The following ARPC3 variants were observed in gnomAD, a reference collection of about 807,000 sequenced individuals.
ARPC3 encodes actin related protein 2/3 complex subunit 3.
A neutral mutation model predicts 27.6 loss-of-function variants in ARPC3; 12 were observed. The ratio of observed to expected loss-of-function variants is 0.43; its 90% CI spans 0.28 to 0.70. The LOEUF (loss-of-function observed/expected upper bound fraction) is 0.70. ARPC3 is among the 30% of genes least tolerant of loss of function. ARPC3 has a pLI of 0.17. For synonymous variants in ARPC3, 53 were observed against 67.2 expected (o/e 0.79, Z 1.03); for missense variants, 153 against 207.7 (o/e 0.74, Z 1.62).
rs12314411 is a variant in ARPC3, at chr12:110,448,231, A to G, written c.6+2024T>C. ...TACCATTACTAGGCAACCTTGTCCA[A>G]ATTAACTTCTCTGAGGCTCCGTTTC... On this transcript the variant is annotated intron_variant, in intron 1 of 6. Transcript: ENST00000228825. Among the ~76,000 whole-genome samples, 1,131 of 152,116 alleles carry G rather than the reference A, an allele frequency of 7.4e-3. 18 individuals are homozygous for G. Among genetic ancestry groups the G allele is most frequent in the African/African-American group, 0.026 (1,090 of 41,500 alleles).
chr12:110,441,273 T>C (rs775564153), intron 2 of ARPC3, among the ~76,000 whole-genome samples: 1 of 151,880 alleles, frequency 6.6e-6, no homozygotes, highest in African/African-American at 2.4e-5. Context: ...GCTGGGATTA[T>C]ACGCATGTAC....
chr12:110,436,907 C>T (rs755113634), intron 4 of ARPC3, 177 bp downstream of exon 4: 1 of 677,494 alleles, frequency 1.5e-6, no homozygotes, highest in Non-Finnish European at 2.6e-6. Context: ...TTGTGTCAGT[C>T]AATTATACTA....
At chr12:110,437,350 G>A (rs1237571216) in intron 3 of ARPC3, 198 bp from the exon 4 acceptor site, 3 of 553,694 alleles carry the variant, frequency 5.4e-6, no homozygotes, top group Admixed American at 3.0e-5. Flanking sequence ...GAAGGCACAA[G>A]CCCCACTCTG....
rs370373093 is a variant in ARPC3 at position 110,450,155 on chromosome 12, C to A, written c.6+100G>T. On this transcript the variant is annotated intron_variant, in intron 1 of 6. Coordinates refer to ENST00000228825, the MANE Select transcript of ARPC3 (RefSeq NM_001278556.2). The stretch of plus-strand genomic sequence containing the variant: ...TCCCTCCTTCTCGGGCCCCAGCTTC[C>A]TCTCTGCCTTCCGCCGCCCGCTTCT... 6.6e-5 allele frequency: 102 copies of A among 1,537,510 alleles called. No individual in the cohort carries two copies. In the African/African-American group the frequency reaches 1.3e-3, roughly 20 times the overall value.
At chr12:110,435,454 C>T (rs988159460) in intron 6 of ARPC3, among the ~76,000 whole-genome samples, 11 of 151,784 alleles carry the variant, frequency 7.2e-5, no homozygotes, top group Non-Finnish European at 1.0e-4. Context: ...CTTAGCCTCC[C>T]CAGTAGCTGG....
At chr12:110,440,707 C>T (rs2062431120) in intron 2 of ARPC3, among the ~76,000 whole-genome samples, 1 of 149,942 alleles carries the variant, frequency 6.7e-6, no homozygotes, top group South Asian at 2.1e-4. Context: ...CCACCACACC[C>T]CGCTAATTTT....
chr12:110,449,540 C>A (rs2062487777), intron 1 of ARPC3, among the ~76,000 whole-genome samples: 1 of 152,014 alleles, frequency 6.6e-6, no homozygotes, highest in Non-Finnish European at 1.5e-5. Context: ...CCAGCCTGGG[C>A]GACAGAACGA....
In ARPC3 at chr12:110,435,113, T is replaced by TGCTGCCCAGGGCTCTGGAGACGGTG; in HGVS notation, c.*17_*41dup. ...AGATTGTGTACATCTTGCTGGAAAA[T>TGCTGCCCAGGGCTCTGGAGACGGTG]GCTGCCCAGGGCTCTGGAGACGGTG... On this transcript the variant is annotated 3_prime_UTR_variant, in exon 7 of 7. Transcript: ENST00000228825. The TGCTGCCCAGGGCTCTGGAGACGGTG allele has an allele frequency of 1.3e-6, 2 of 1,515,500 alleles. No homozygotes were observed. Among genetic ancestry groups the TGCTGCCCAGGGCTCTGGAGACGGTG allele is most frequent in the South Asian group, 2.2e-5 (2 of 88,988 alleles). The allele number at this position is 1,515,500 out of a possible 1,614,324, so 93.9% of individuals were successfully genotyped here.
chr12:110,440,135 T>C (rs2062427704), intron 3 of ARPC3, among the ~76,000 whole-genome samples, 177 bp downstream of exon 3: 1 of 152,026 alleles, frequency 6.6e-6, no homozygotes, highest in African/African-American at 2.4e-5. Context: ...GGTATAGAAT[T>C]TGGAGGAAAA....
rs547541950 is a variant in ARPC3, at chr12:110,436,317, C to T, written c.380-113G>A. 7 of 1,107,306 alleles carry T rather than the reference C, an allele frequency of 6.3e-6. No individual in the cohort carries two copies. The South Asian group carries it at 6.9e-5, about 11-fold the overall frequency. The allele number at this position is 1,107,306 out of a possible 1,614,324, so 68.6% of individuals were successfully genotyped here. On this transcript the variant is annotated intron_variant, in intron 5 of 6. Transcript: ENST00000228825. ...CATTTTTATACATTTGAACAGGATA[C>T]AAAATAGAAATGACAGTCCAGATAG...
chr12:110,437,227 T>C, intron 3 of ARPC3, 75 bp from the exon 4 acceptor site: 3 of 1,014,494 alleles, frequency 3.0e-6, no homozygotes, highest in Middle Eastern at 6.1e-4. Flanking sequence ...CATTCCATCT[T>C]TGTCTTCTGA....
chr12:110,436,697 T>TATATATATATACAA lies in ARPC3; in HGVS notation c.253-15_253-14insTTGTATATATATAT. On this transcript the variant is annotated splice_polypyrimidine_tract_variant and intron_variant, in intron 4 of 6. Coordinates refer to ENST00000228825, the MANE Select transcript of ARPC3 (RefSeq NM_001278556.2). ...TTTGGAATTGCACTGGAAAAAAAAA[T>TATATATATATACAA]ATATATATATATATACACACACACA... is the stretch of plus-strand genomic sequence containing the variant. The TATATATATATACAA allele has an allele frequency of 1.7e-6, 1 of 602,734 alleles. No homozygotes were observed. The highest frequency in any genetic ancestry group is 2.6e-6 in the Non-Finnish European group (1 of 383,114). The allele number at this position is 602,734 out of a possible 1,614,324, so 37.3% of individuals were successfully genotyped here.
intron 2 of ARPC3, among the ~76,000 whole-genome samples, chr12:110,443,937 A>G (rs2062451106): frequency 6.6e-6 from 1 of 151,816 alleles, no homozygotes; most frequent in Non-Finnish European, 1.5e-5. Flanking sequence ...GCTGTTATTT[A>G]GCTCACAGCA....
chr12:110,442,032 CAA>C (rs774588008), intron 2 of ARPC3, among the ~76,000 whole-genome samples: 20 of 108,980 alleles, frequency 1.8e-4, no homozygotes, highest in Non-Finnish European at 2.3e-4. Context: ...ACTCTGTCTC[CAA>C]AAAAAAAAAA....
chr12:110,450,151 C>G, intron 1 of ARPC3, 104 bp downstream of exon 1: 1 of 1,520,848 alleles, frequency 6.6e-7, no homozygotes, highest in Non-Finnish European at 9.0e-7. Flanking sequence ...CGGGCCCCAG[C>G]TTCCTCTCTG....
chr12:110,437,451 T>TC (rs1385511070), intron 3 of ARPC3, among the ~76,000 whole-genome samples: 1 of 151,922 alleles, frequency 6.6e-6, no homozygotes, highest in Non-Finnish European at 1.5e-5. Context: ...CACTGCAACC[T>TC]CCACCTCCCA....
chr12:110,440,961 G>C (rs1376915061), intron 2 of ARPC3, among the ~76,000 whole-genome samples: 1 of 151,038 alleles, frequency 6.6e-6, no homozygotes, highest in Non-Finnish European at 1.5e-5. Flanking sequence ...TCCTGCCTCA[G>C]CCTCCCAAGT....
At chr12:110,442,270 A>G (rs2062441881) in intron 2 of ARPC3, among the ~76,000 whole-genome samples, 1 of 152,176 alleles carries the variant, frequency 6.6e-6, no homozygotes, top group Non-Finnish European at 1.5e-5. Context: ...TGCATTTATA[A>G]AAAAACACTG....
chr12:110,448,308 G>A (rs928447784), intron 1 of ARPC3, among the ~76,000 whole-genome samples: 1 of 152,108 alleles, frequency 6.6e-6, no homozygotes, highest in Non-Finnish European at 1.5e-5. Flanking sequence ...TCGTTATGAG[G>A]ATTAGATGGG....
Sources: gnomAD v4.1 joint callset for allele counts (sites outside exome capture counted in the v4.1 genomes callset) on GRCh38, gnomAD v4.1.1 for gene constraint, MANE v1.5 for transcripts, NCBI Gene and HGNC (gene_info 2026-07-23, HGNC 2026-07-21) for gene names.